GALNT16: variants seen among roughly 807,000 people sequenced by gnomAD.
GALNT16 encodes UDP-GalNAc:polypeptide N-acetylgalactosaminyltransferase-like protein 1.
GALNT16 carries 40 observed loss-of-function variants against 76.1 expected under a neutral mutation model. The observed-to-expected ratio is 0.53, with a 90% CI of 0.41 to 0.68. GALNT16 has a LOEUF of 0.68. GALNT16 is among the 30% of genes least tolerant of loss of function. The pLI is 0.00. For synonymous variants in GALNT16, 276 were observed against 285.2 expected, an observed-to-expected ratio of 0.97 and a Z score of 0.32; for missense variants, 621 against 731.9, an observed-to-expected ratio of 0.85 and a Z score of 1.75.
Position 69,333,587 on chromosome 14 carries a change from G to T in GALNT16, c.954G>T (p.Gly318=). The T allele has an allele frequency of 6.4e-7, 1 of 1,556,856 alleles. No homozygotes were observed. Among genetic ancestry groups the T allele is most frequent in the Non-Finnish European group, 8.8e-7 (1 of 1,132,956 alleles). The change falls in exon 9 of 15, where the codon GGG becomes GGT. Residue 318 remains glycine (G), a synonymous_variant. Transcript: ENST00000448469. This position sits in a 1 kb window ranked among gnomAD's most constrained non-coding sequence, Gnocchi z 4.2. The part of the protein sequence containing the change: ...GKYDAQMDIW[G]GENFELSFRV... The stretch of plus-strand genomic sequence containing the variant: ...ATGATGCCCAGATGGACATCTGGGG[G>T]GGAGAGAATTTTGGTGAGTTGGGAA...
chr14:69,363,397 A>C, the GALNT16 span, among the ~76,000 whole-genome samples: 4 of 152,190 alleles, frequency 2.6e-5, no homozygotes, highest in African/African-American at 9.7e-5. Context: ...TGGGAGTCTA[A>C]CCTAGAGTTG....
chr14:69,284,450 A>G (rs935370396), intron 1 of GALNT16, among the ~76,000 whole-genome samples: 1 of 152,214 alleles, frequency 6.6e-6, no homozygotes, highest in Non-Finnish European at 1.5e-5. Flanking sequence ...TTGGGGAGCC[A>G]GGGCCAGGAG....
At chr14:69,294,232 T>C (rs12586532) in intron 1 of GALNT16, among the ~76,000 whole-genome samples, 43,277 of 151,780 alleles carry the variant, frequency 0.29, 7,248 homozygotes, top group East Asian at 0.8. Flanking sequence ...AGCCATTCTG[T>C]TGCCTCAGCC....
intron 5 of GALNT16, 89 bp downstream of exon 5, chr14:69,326,116 C>A: frequency 1.0e-6 from 1 of 972,104 alleles, no homozygotes; most frequent in Non-Finnish European, 1.7e-6. Flanking sequence ...CGTGGCACAC[C>A]AAGCCAACAT....
At chr14:69,375,128 TTTATCA>T in the GALNT16 span, among the ~76,000 whole-genome samples, 1 of 152,202 alleles carries the variant, frequency 6.6e-6, no homozygotes, top group South Asian at 2.1e-4. Flanking sequence ...AAGCTACACT[TTTATCA>T]TTACAAAGCA....
the GALNT16 span, among the ~76,000 whole-genome samples, chr14:69,364,153 G>A: frequency 2.0e-5 from 3 of 152,186 alleles, no homozygotes; most frequent in Non-Finnish European, 4.4e-5. This position sits in a 1 kb window ranked among gnomAD's most constrained non-coding sequence, Gnocchi z 4.2. Flanking sequence ...AAGTGGCGAT[G>A]AGTACAATAA....
intron 1 of GALNT16, among the ~76,000 whole-genome samples, chr14:69,308,313 T>G (rs532201968): frequency 2.6e-5 from 4 of 151,610 alleles, no homozygotes; most frequent in African/African-American, 9.6e-5. Flanking sequence ...AAACCTGACA[T>G]GTATGAAGGA....
At chr14:69,339,088 C>T (rs1401686174) in intron 10 of GALNT16, among the ~76,000 whole-genome samples, 1 of 152,146 alleles carries the variant, frequency 6.6e-6, no homozygotes, top group East Asian at 1.9e-4. Context: ...GTCATGGATG[C>T]CTGTGCCCCA....
At chr14:69,275,097 A>C (rs1340608917) in intron 1 of GALNT16, among the ~76,000 whole-genome samples, 3 of 152,190 alleles carry the variant, frequency 2.0e-5, no homozygotes, top group Non-Finnish European at 4.4e-5. Context: ...TGGATCAGAC[A>C]AAGGATTGGA....
At chr14:69,275,559 G>A (rs1342346371) in intron 1 of GALNT16, among the ~76,000 whole-genome samples, 1 of 152,216 alleles carries the variant, frequency 6.6e-6, no homozygotes, top group Admixed American at 6.5e-5. Context: ...ACATCTCAAA[G>A]TATAAAAGTG....
At chr14:69,357,634 G>C (rs2045702210), downstream of GALNT16, 1 of 152,222 alleles carries the variant, frequency 6.6e-6, no homozygotes, top group Non-Finnish European at 1.5e-5. Context: ...AGGCGTTCCA[G>C]GAAAGACTTG....
chr14:69,341,485 C>T (rs1350845426), intron 11 of GALNT16, among the ~76,000 whole-genome samples, 196 bp from the exon 12 acceptor site: 1 of 152,216 alleles, frequency 6.6e-6, no homozygotes, highest in Non-Finnish European at 1.5e-5. Flanking sequence ...TGAGGCATAG[C>T]CAGGAGACCT....
At chr14:69,344,428 T>C (rs1473991947) in intron 12 of GALNT16, among the ~76,000 whole-genome samples, 1 of 152,172 alleles carries the variant, frequency 6.6e-6, no homozygotes, top group African/African-American at 2.4e-5. Context: ...AAAGAAGTAG[T>C]GTCTTGGGGA....
At chr14:69,338,900 C>A (rs1246342522) in intron 10 of GALNT16, 123 bp downstream of exon 10, 2 of 724,438 alleles carry the variant, frequency 2.8e-6, no homozygotes, top group Non-Finnish European at 2.2e-6. Flanking sequence ...TCAGTTTCCC[C>A]ATTTGCCCCC....
At chr14:69,335,817 G>A (rs962127858) in intron 9 of GALNT16, among the ~76,000 whole-genome samples, 3 of 152,166 alleles carry the variant, frequency 2.0e-5, no homozygotes, top group African/African-American at 7.2e-5. Flanking sequence ...TCCAAACCAA[G>A]ACGTGTTCTT....
the GALNT16 span, among the ~76,000 whole-genome samples, chr14:69,374,227 AGT>A: frequency 3.1e-4 from 47 of 152,240 alleles, no homozygotes; most frequent in African/African-American, 1.1e-3. Context: ...TCTAGCCTAG[AGT>A]GTGAGTAGTC....
Position 69,353,454 on chromosome 14 carries a change from C to A in GALNT16, c.*1286C>A, listed in dbSNP as rs1023064471. 3.3e-5 allele frequency: 5 copies of A among 152,476 alleles called. No homozygotes were observed. Among genetic ancestry groups the A allele is most frequent in the African/African-American group, 9.7e-5 (4 of 41,444 alleles). The allele number at this position is 152,476 out of a possible 1,614,324, so 9.4% of individuals were successfully genotyped here. A position where few individuals can be genotyped will look rare whatever the true frequency, so the allele number is the denominator to read the frequency against. On this transcript the variant is annotated 3_prime_UTR_variant, in exon 15 of 15. Coordinates refer to ENST00000448469, the MANE Select transcript of GALNT16 (RefSeq NM_001168368.2). ...TGAGAACACATCCACACATCTACCC[C>A]ACGGCCTTGTCTTGGAACTGCTCCT...
At chr14:69,293,706 A>C (rs569947856) in intron 1 of GALNT16, among the ~76,000 whole-genome samples, 1 of 152,246 alleles carries the variant, frequency 6.6e-6, no homozygotes, top group South Asian at 2.1e-4. Context: ...TAAAATGATG[A>C]TGATCATAGG....
At chr14:69,357,321 T>G (rs1291357440), downstream of GALNT16, 1 of 152,292 alleles carries the variant, frequency 6.6e-6, no homozygotes, top group Admixed American at 6.5e-5. Context: ...AAGGTTGGAC[T>G]GGATAAGGTC....
Sources: allele counts gnomAD v4.1 joint callset (sites outside exome capture counted in the v4.1 genomes callset), GRCh38; gene constraint gnomAD v4.1.1; non-coding constraint Gnocchi (gnomAD v3.1); transcripts MANE v1.5; gene names NCBI Gene and HGNC (gene_info 2026-07-23, HGNC 2026-07-21).